The following CHUK variants were observed in gnomAD, a reference collection of about 807,000 sequenced individuals.
CHUK encodes inhibitor of nuclear factor kappa-B kinase subunit alpha.
In CHUK, 35 loss-of-function variants were observed where a neutral mutation model predicts 104.8. That is an observed-to-expected ratio of 0.33 (90% CI 0.26 to 0.44). The LOEUF (loss-of-function observed/expected upper bound fraction) is 0.44. CHUK is among the 20% of genes least tolerant of loss of function. The probability of loss-of-function intolerance (pLI) is 1.00; values close to 1 mark genes in which losing one functional copy is unlikely to be tolerated. For synonymous variants in CHUK, 276 were observed against 291.9 expected (o/e 0.95, Z 0.56); for missense variants, 663 against 902.7 (o/e 0.73, Z 3.40).
intron 13 of CHUK, among the ~76,000 whole-genome samples, 165 bp from the exon 14 acceptor site, chr10:100,202,314 A>G (rs938391858): frequency 2.0e-5 from 3 of 152,164 alleles, no homozygotes; most frequent in African/African-American, 7.2e-5. Flanking sequence ...AATGTGACCT[A>G]TTTGGAAATA....
At position 100,204,676 on chromosome 10, in the gene CHUK, A is replaced by G. The variant is rs1414872576; in HGVS notation, c.1356-19T>C. On this transcript the variant is annotated intron_variant, in intron 12 of 20. Transcript: ENST00000370397. ...ACTTAACCTAAACCACAGCAAGAAA[A>G]AAAAGAAAAAGAAAAAAGATATTAT... 6.4e-7 allele frequency: 1 copy of G among 1,557,658 alleles called. No homozygotes were observed. The highest frequency in any genetic ancestry group is 1.1e-5 in the South Asian group (1 of 88,580).
intron 2 of CHUK, 21 bp from the exon 3 acceptor site, chr10:100,223,001 T>C: frequency 8.0e-7 from 1 of 1,247,838 alleles, no homozygotes; most frequent in Non-Finnish European, 1.2e-6. Flanking sequence ...AGAAAAACAT[T>C]ACAATAAAAA....
Position 100,209,737 on chromosome 10 carries a change from G to T in CHUK, c.986C>A (p.Pro329Gln). ...TSAKIISFLL[P>Q]PDESLHSLQS... ...TAGTGAATGAAGACTTTCATCAGGT[G>T]GTAACAGAAAAGAAATTATCTTTGC... The change falls in exon 10 of 21, where the codon CCA becomes CAA. Residue 329 changes from proline to glutamine, a missense_variant. Physicochemically the swap from Pro to Gln is moderately conservative, Grantham distance 76. Coordinates refer to ENST00000370397, the MANE Select transcript of CHUK (RefSeq NM_001278.5). 6.4e-7 allele frequency: 1 copy of T among 1,554,920 alleles called. No homozygotes were observed. The highest frequency in any genetic ancestry group is 1.1e-5 in the South Asian group (1 of 89,864).
At chr10:100,208,612 C>T (rs933007189) in intron 10 of CHUK, among the ~76,000 whole-genome samples, 1 of 152,034 alleles carries the variant, frequency 6.6e-6, no homozygotes, top group African/African-American at 2.4e-5. Flanking sequence ...GGCAAAACCC[C>T]GTCTCTACTA....
At chr10:100,207,398 A>G in intron 10 of CHUK, 66 bp from the exon 11 acceptor site, 1 of 791,018 alleles carries the variant, frequency 1.3e-6, no homozygotes, top group Non-Finnish European at 2.2e-6. Flanking sequence ...TTTTCTAAAT[A>G]CTTATGCACC....
At chr10:100,214,035 G>T (rs1180487497) in intron 9 of CHUK, among the ~76,000 whole-genome samples, 1 of 152,048 alleles carries the variant, frequency 6.6e-6, no homozygotes, top group East Asian at 1.9e-4. Flanking sequence ...GACTTTCCAT[G>T]CCTTCCCAAT....
intron 3 of CHUK, 106 bp downstream of exon 3, chr10:100,222,760 G>C (rs1463170907): frequency 2.8e-6 from 2 of 704,334 alleles, no homozygotes; most frequent in Non-Finnish European, 5.2e-6. Flanking sequence ...ACAGGAAGCA[G>C]ACCATAGTTT....
chr10:100,222,847 C>T lies in CHUK; in HGVS notation c.315+19G>A. On this transcript the variant is annotated intron_variant, in intron 3 of 20. Transcript: ENST00000370397. ...AAGTTTGTGATTTACTCTCTCTCATCTCAAAACATCCACACTACCTTTCGG... is the reference window on the plus strand; with the variant it reads ...AAGTTTGTGATTTACTCTCTCTCATTTCAAAACATCCACACTACCTTTCGG... 1.7e-6 allele frequency: 2 copies of T among 1,180,008 alleles called. No individual in the cohort carries two copies. The highest frequency in any genetic ancestry group is 2.6e-6 in the Non-Finnish European group (2 of 784,268). 73.1% of individuals were successfully genotyped at this position (1,180,008 alleles called of 1,614,324 possible). A position where few individuals can be genotyped will look rare whatever the true frequency, so the allele number is the denominator to read the frequency against.
rs1250696277 is a variant in CHUK at position 100,220,611 on chromosome 10, CTA to C, written c.449_450del (p.Ile150SerfsTer12). 2 of 1,611,242 alleles carry C rather than the reference CTA, an allele frequency of 1.2e-6. No homozygotes were observed. Among genetic ancestry groups the C allele is most frequent in the Non-Finnish European group, 1.7e-6 (2 of 1,177,582 alleles). Reference sequence around the variant, plus strand: ...ACCTTTCCACCAACATCCTGAAGAACTATGTTTTCAGGTTTTAGATCTCGATG... The same window carrying C: ...ACCTTTCCACCAACATCCTGAAGAACTGTTTTCAGGTTTTAGATCTCGATG... Reference protein sequence around the residue: ...IIHRDLKPENIVLQDVGGKII... With the variant: ...IIHRDLKPENXVLQDVGGKII... On this transcript the variant is annotated frameshift_variant, in exon 5 of 21. Transcript: ENST00000370397. LOFTEE classifies it high-confidence loss of function.
At chr10:100,191,374 C>A (rs550687221) in intron 19 of CHUK, among the ~76,000 whole-genome samples, 1 of 152,310 alleles carries the variant, frequency 6.6e-6, no homozygotes, top group South Asian at 2.1e-4. Context: ...AGCATGCATA[C>A]TTCACAGACA....
chr10:100,229,511 G>C lies in CHUK; in HGVS notation c.22C>G (p.Arg8Gly), dbSNP rs1846188040. Residue 8 changes from arginine (R) to glycine (G), a missense_variant, in exon 1 of 21, where the codon CGG (arginine) becomes GGG (glycine). Arg to Gly is a moderately radical substitution (Grantham distance 125, BLOSUM62 -2). Coordinates refer to ENST00000370397, the MANE Select transcript of CHUK (RefSeq NM_001278.5). MERPPGL[R>G]PGAGGPWEMR... ...TCCCAGGGCCCGCCCGCGCCCGGCC[G>C]CAGCCCCGGGGGCCGCTCCATGGGG... The C allele has an allele frequency of 6.4e-7, 1 of 1,558,080 alleles. No homozygotes were observed. Among genetic ancestry groups the C allele is most frequent in the South Asian group, 1.2e-5 (1 of 86,314 alleles).
At chr10:100,193,571 C>G in intron 18 of CHUK, 140 bp from the exon 19 acceptor site, 2 of 978,960 alleles carry the variant, frequency 2.0e-6, no homozygotes, top group Non-Finnish European at 1.6e-6. Flanking sequence ...CAAAACTATT[C>G]CCACCTTTAC....
chr10:100,201,988 A>C, intron 14 of CHUK, 100 bp downstream of exon 14: 1 of 889,018 alleles, frequency 1.1e-6, no homozygotes, highest in Non-Finnish European at 1.9e-6. Flanking sequence ...GAATTTCAGG[A>C]ATGACATGAA....
At chr10:100,229,082 C>A (rs1440561036) in intron 1 of CHUK, among the ~76,000 whole-genome samples, 1 of 151,828 alleles carries the variant, frequency 6.6e-6, no homozygotes, top group Non-Finnish European at 1.5e-5. Flanking sequence ...CACATTCGTG[C>A]TCCTACATAC....
intron 9 of CHUK, among the ~76,000 whole-genome samples, chr10:100,216,833 T>G (rs946430797): frequency 6.6e-6 from 1 of 152,114 alleles, no homozygotes; most frequent in African/African-American, 2.4e-5. Context: ...ACTAAGAACC[T>G]GATACATGCC....
In CHUK at chr10:100,218,782, A is replaced by G; in HGVS notation, c.733T>C (p.Cys245Arg). ...KKKDPKCIFACEEMSGEVRFS... is the reference protein window; with the variant it reads ...KKKDPKCIFAREEMSGEVRFS... ...CGAACTTCTCCTGACATCTCTTCAC[A>G]TGCAAATATACACTTTGGATCCTTC... Residue 245 changes from cysteine to arginine, a missense_variant, in exon 8 of 21, where the codon TGT becomes CGT. Physicochemically the swap from Cys to Arg is radical, Grantham distance 180 (BLOSUM62 -3). Coordinates refer to ENST00000370397, the MANE Select transcript of CHUK (RefSeq NM_001278.5). 1 of 1,613,992 alleles carries G rather than the reference A, an allele frequency of 6.2e-7. No individual in the cohort carries two copies. The highest frequency in any genetic ancestry group is 8.5e-7 in the Non-Finnish European group (1 of 1,179,908).
intron 14 of CHUK, 118 bp from the exon 15 acceptor site, chr10:100,200,898 T>C: frequency 1.4e-6 from 1 of 705,884 alleles, no homozygotes; most frequent in South Asian, 1.5e-5. Flanking sequence ...CTAAATAATA[T>C]AATACGAAAC....
At position 100,188,656 on chromosome 10, in the gene CHUK, TG is replaced by T. The variant is rs1273108698; in HGVS notation, c.*941del. On this transcript the variant is annotated 3_prime_UTR_variant, in exon 21 of 21. Transcript: ENST00000370397. ...AAAATAAAGGAATATTCACACTAAA[TG>T]GGATAAAAAGATTCAAGGTCAGTTC... 6.6e-6 allele frequency: 1 copy of T among 152,304 alleles called. No homozygotes were observed. Among genetic ancestry groups the T allele is most frequent in the Non-Finnish European group, 1.5e-5 (1 of 68,032 alleles). The allele number at this position is 152,304 out of a possible 1,614,324, so 9.4% of individuals were successfully genotyped here. A position where few individuals can be genotyped will look rare whatever the true frequency, so the allele number is the denominator to read the frequency against.
chr10:100,217,429 T>A (rs536892499), intron 9 of CHUK, among the ~76,000 whole-genome samples: 1 of 152,180 alleles, frequency 6.6e-6, no homozygotes, highest in South Asian at 2.1e-4. Flanking sequence ...TGACTAGACA[T>A]AAATGAATCG....
Sources: allele counts gnomAD v4.1 joint callset (sites outside exome capture counted in the v4.1 genomes callset), GRCh38; gene constraint gnomAD v4.1.1; transcripts MANE v1.5; gene names NCBI Gene and HGNC (gene_info 2026-07-23, HGNC 2026-07-21).